The following OSTF1 variants were observed in gnomAD, a reference collection of about 807,000 sequenced individuals.
OSTF1 encodes the protein osteoclast-stimulating factor 1.
Under a neutral mutation model 37.2 loss-of-function variants are expected in OSTF1, and 27 were observed. The ratio of observed to expected loss-of-function variants is 0.73; its 90% confidence interval spans 0.54 to 1.00. The LOEUF (loss-of-function observed/expected upper bound fraction) is 1.00, where lower values mean the gene tolerates loss of function less well. OSTF1 is among the 50% of genes least tolerant of loss of function. OSTF1 has a pLI of 0.00. For missense variants in OSTF1, 232 were observed against 253.8 expected (o/e 0.91, Z 0.58); for synonymous variants, 82 against 89.2 (o/e 0.92, Z 0.46).
intron 1 of OSTF1, among the ~76,000 whole-genome samples, chr9:75,106,071 G>T (rs892304857): frequency 6.6e-6 from 1 of 152,150 alleles, no homozygotes; most frequent in East Asian, 1.9e-4. Context: ...AATTCTTTAG[G>T]TTTTTTCTGT....
intron 1 of OSTF1, among the ~76,000 whole-genome samples, chr9:75,116,975 T>G (rs1825500998): frequency 6.6e-6 from 1 of 152,148 alleles, no homozygotes; most frequent in Non-Finnish European, 1.5e-5. Flanking sequence ...GATAGAGATA[T>G]TTCAGTCAGT....
intron 2 of OSTF1, among the ~76,000 whole-genome samples, chr9:75,126,823 C>T (rs1054971375): frequency 2.6e-5 from 4 of 152,204 alleles, no homozygotes; most frequent in Non-Finnish European, 5.9e-5. Context: ...GAACTGCTGG[C>T]CTTGTGAACC....
intron 3 of OSTF1, 84 bp downstream of exon 3, chr9:75,127,703 GTACATAGAAA>G: frequency 1.3e-6 from 1 of 752,314 alleles, no homozygotes; most frequent in Non-Finnish European, 2.2e-6. Flanking sequence ...AAATATATAT[GTACATAGAAA>G]TACATATGTA....
chr9:75,123,433 AAAAC>A (rs1825612969), intron 2 of OSTF1, among the ~76,000 whole-genome samples: 1 of 151,572 alleles, frequency 6.6e-6, no homozygotes, highest in Non-Finnish European at 1.5e-5. Flanking sequence ...AAAAAACAAA[AAAAC>A]AAAAAACAAA....
chr9:75,117,329 G>C (rs1002630319), intron 1 of OSTF1, among the ~76,000 whole-genome samples, 175 bp from the exon 2 acceptor site: 1 of 152,072 alleles, frequency 6.6e-6, no homozygotes, highest in Non-Finnish European at 1.5e-5. Context: ...GTATCCTTTA[G>C]GAAATCTCTC....
At chr9:75,138,767 C>G (rs1457699599) in intron 8 of OSTF1, among the ~76,000 whole-genome samples, 2 of 152,106 alleles carry the variant, frequency 1.3e-5, no homozygotes, top group African/African-American at 4.8e-5. Flanking sequence ...TCATCACTGT[C>G]TCTGAATATT....
chr9:75,132,972 T>TACACACACACACACACACACACACAC, intron 5 of OSTF1, among the ~76,000 whole-genome samples: 1 of 60,342 alleles, frequency 1.7e-5, no homozygotes, highest in Non-Finnish European at 4.9e-5. Flanking sequence ...TACACACACA[T>TACACACACACACACACACACACACAC]ACACACACAC....
At chr9:75,142,059 T>C (rs1825952942) in intron 9 of OSTF1, among the ~76,000 whole-genome samples, 1 of 152,248 alleles carries the variant, frequency 6.6e-6, no homozygotes, top group African/African-American at 2.4e-5. Context: ...CCTTTTGTTC[T>C]TTATTCTAGA....
At chr9:75,091,316 T>A (rs1824971438) in intron 1 of OSTF1, among the ~76,000 whole-genome samples, 1 of 151,956 alleles carries the variant, frequency 6.6e-6, no homozygotes, top group African/African-American at 2.4e-5. Context: ...GACCTTGTGA[T>A]CCACCCTCCT....
chr9:75,145,426 T>C (rs11144254), intron 9 of OSTF1, among the ~76,000 whole-genome samples: 13,510 of 152,268 alleles, frequency 0.089, 781 homozygotes, highest in Middle Eastern at 0.16. Context: ...GGGCACATGA[T>C]ACCTGGTTGT....
At chr9:75,120,640 C>T (rs957381517) in intron 2 of OSTF1, among the ~76,000 whole-genome samples, 3 of 152,288 alleles carry the variant, frequency 2.0e-5, no homozygotes, top group East Asian at 1.9e-4. Flanking sequence ...TTATGCCTTT[C>T]CTCACTGCCT....
At chr9:75,097,195 T>C (rs909961805) in intron 1 of OSTF1, among the ~76,000 whole-genome samples, 4 of 152,178 alleles carry the variant, frequency 2.6e-5, no homozygotes, top group African/African-American at 9.7e-5. Flanking sequence ...TAAATCATTC[T>C]CTTTGATCTC....
intron 9 of OSTF1, among the ~76,000 whole-genome samples, chr9:75,142,714 T>G (rs1825962046): frequency 6.6e-6 from 1 of 152,192 alleles, no homozygotes; most frequent in African/African-American, 2.4e-5. Context: ...AGGTAATAGA[T>G]TCATTAATGA....
chr9:75,089,869 C>T (rs1824924877), intron 1 of OSTF1, among the ~76,000 whole-genome samples: 1 of 152,022 alleles, frequency 6.6e-6, no homozygotes, highest in Non-Finnish European at 1.5e-5. Flanking sequence ...CTTTGCGTTC[C>T]TGCAGTTGGA....
At chr9:75,120,774 G>A (rs1825567784) in intron 2 of OSTF1, among the ~76,000 whole-genome samples, 1 of 152,120 alleles carries the variant, frequency 6.6e-6, no homozygotes, top group Non-Finnish European at 1.5e-5. Context: ...ATATAGTCCA[G>A]CCCCTATTCC....
chr9:75,116,442 A>G (rs1825489878), intron 1 of OSTF1, among the ~76,000 whole-genome samples: 1 of 152,154 alleles, frequency 6.6e-6, no homozygotes, highest in Admixed American at 6.5e-5. Flanking sequence ...TGAGACAGGT[A>G]GCAAATCAGT....
Position 75,127,557 on chromosome 9 carries a change from T to G in OSTF1, c.82-12T>G. The G allele has an allele frequency of 6.5e-7, 1 of 1,534,506 alleles. No homozygotes were observed. On this transcript the variant is annotated splice_polypyrimidine_tract_variant and intron_variant, in intron 2 of 9. Coordinates refer to ENST00000346234, the MANE Select transcript of OSTF1 (RefSeq NM_012383.5). Reference sequence around the variant, plus strand: ...AAAATCACATGGAGTCAAACTTTTTTTTTTCTTCTAGCCAGATGAATTATA... The same window carrying G: ...AAAATCACATGGAGTCAAACTTTTTGTTTTCTTCTAGCCAGATGAATTATA...
At chr9:75,142,821 C>T (rs904841313) in intron 9 of OSTF1, among the ~76,000 whole-genome samples, 1 of 152,080 alleles carries the variant, frequency 6.6e-6, no homozygotes, top group African/African-American at 2.4e-5. Flanking sequence ...TTCATTTCCC[C>T]AATTATACAG....
intron 1 of OSTF1, among the ~76,000 whole-genome samples, chr9:75,096,011 C>T (rs1032378878): frequency 7.2e-5 from 11 of 152,102 alleles, no homozygotes; most frequent in Non-Finnish European, 1.0e-4. Context: ...CCTGCCTCAG[C>T]CTCCTGAGTG....
Sources: allele counts gnomAD v4.1 joint callset (sites outside exome capture counted in the v4.1 genomes callset), GRCh38; gene constraint gnomAD v4.1.1; transcripts MANE v1.5; gene names NCBI Gene and HGNC (gene_info 2026-07-23, HGNC 2026-07-21).